The following ADD1 variants were observed in gnomAD, a reference collection of about 807,000 sequenced individuals.
ADD1 encodes the protein adducin 1, also known as alpha-adducin.
Under a neutral mutation model 80.5 loss-of-function variants are expected in ADD1, and 24 were observed. That is an observed-to-expected ratio of 0.30 (90% CI 0.22 to 0.42). The LOEUF is 0.42. ADD1 is among the 10% of genes least tolerant of loss of function. The probability of loss-of-function intolerance (pLI) is 1.00; values close to 1 mark genes in which losing one functional copy is unlikely to be tolerated. For synonymous variants in ADD1, 373 were observed against 393.8 expected (o/e 0.95, Z 0.63); for missense variants, 948 against 1,019.0 (o/e 0.93, Z 0.95).
intron 8 of ADD1, chr4:2,898,894 C>CA (rs1433863893): frequency 7.8e-6 from 3 of 382,514 alleles, no homozygotes; most frequent in African/African-American, 4.1e-5. Context: ...AGTAGAGACT[C>CA]AGAGACTTGC....
chr4:2,893,562 A>G (rs1169026737), intron 4 of ADD1, among the ~76,000 whole-genome samples: 8 of 152,026 alleles, frequency 5.3e-5, no homozygotes, highest in Non-Finnish European at 5.9e-5. Flanking sequence ...GCAGTGAGCC[A>G]TGATCACGCC....
intron 1 of ADD1, among the ~76,000 whole-genome samples, chr4:2,868,372 C>T (rs1398916878): frequency 1.3e-5 from 2 of 152,162 alleles, no homozygotes; most frequent in Admixed American, 1.3e-4. Context: ...TGGTGCTGGC[C>T]AGGGTGTGTG....
chr4:2,907,678 G>T lies in ADD1; in HGVS notation c.1507-65G>T. 3.8e-6 allele frequency: 5 copies of T among 1,324,840 alleles called. No individual in the cohort carries two copies. The South Asian group carries it at 4.7e-5, about 13-fold the overall frequency. The allele number at this position is 1,324,840 out of a possible 1,614,324, so 82.1% of individuals were successfully genotyped here. On this transcript the variant is annotated intron_variant, in intron 10 of 15. Transcript: ENST00000683351. ...GACCAGATGTGAGATAAACTGAATA[G>T]ATTGGATGCTATGTCACTTATTGTT...
chr4:2,855,924 C>G (rs1013126014), intron 1 of ADD1, among the ~76,000 whole-genome samples: 1 of 151,926 alleles, frequency 6.6e-6, no homozygotes, highest in Non-Finnish European at 1.5e-5. Flanking sequence ...TAGTCTCAAA[C>G]TCTGGGACTC....
chr4:2,855,686 G>A (rs1462948952), intron 1 of ADD1, among the ~76,000 whole-genome samples: 2 of 151,216 alleles, frequency 1.3e-5, no homozygotes, highest in South Asian at 2.1e-4. Context: ...CACTCAGACT[G>A]GAGTGCACAA....
At position 2,904,940 on chromosome 4, in the gene ADD1, A is replaced by G; in HGVS notation, c.1338A>G (p.Arg446=). 2 of 1,614,212 alleles carry G rather than the reference A, an allele frequency of 1.2e-6. No homozygotes were observed. The highest frequency in any genetic ancestry group is 1.7e-6 in the Non-Finnish European group (2 of 1,180,042). ...SFQKQQREKT[R]WLNSGRGDEA... Reference sequence around the variant, plus strand: ...AGAAGCAGCAGCGGGAGAAGACAAGATGGCTGAACTCTGGCCGGGGCGACG... The same window carrying G: ...AGAAGCAGCAGCGGGAGAAGACAAGGTGGCTGAACTCTGGCCGGGGCGACG... The change falls in exon 10 of 16, where the codon AGA becomes AGG. Residue 446 remains arginine, a synonymous_variant. Transcript: ENST00000683351.
chr4:2,884,768 G>C (rs1320704026), intron 4 of ADD1, 102 bp downstream of exon 4: 5 of 1,352,210 alleles, frequency 3.7e-6, no homozygotes, highest in East Asian at 2.4e-5. Context: ...CTGAGCTTCA[G>C]TAAGTCTTGG....
At chr4:2,851,577 T>C (rs1310530864) in intron 1 of ADD1, among the ~76,000 whole-genome samples, 1 of 152,252 alleles carries the variant, frequency 6.6e-6, no homozygotes, top group Admixed American at 6.5e-5. Flanking sequence ...GTTTGCAGTT[T>C]AGTAGGAACT....
In ADD1 at chr4:2,898,840, T is replaced by A. The variant is rs545598451; in HGVS notation, c.984+309T>A. On this transcript the variant is annotated intron_variant, in intron 8 of 15. Transcript: ENST00000683351. ...AGTGTGTGTCATCGCATATGTGATG[T>A]CACGTGACCCCCACAGTACTCTTTG... The A allele has an allele frequency of 1.9e-5, 8 of 421,400 alleles. No individual in the cohort carries two copies. The Admixed American group carries it at 3.0e-4, about 16-fold the overall frequency. 26.1% of individuals were successfully genotyped at this position (421,400 alleles called of 1,614,324 possible).
chr4:2,861,686 G>A (rs1028517263), intron 1 of ADD1, among the ~76,000 whole-genome samples: 17 of 152,084 alleles, frequency 1.1e-4, no homozygotes, highest in African/African-American at 3.9e-4. Context: ...TCCATTCCTA[G>A]AGATTCAGAT....
chr4:2,886,294 T>C (rs2108959941), intron 4 of ADD1, among the ~76,000 whole-genome samples: 1 of 152,310 alleles, frequency 6.6e-6, no homozygotes, highest in South Asian at 2.1e-4. Context: ...CTCAGAGGAA[T>C]GCTAAGCCTC....
At chr4:2,872,590 C>CTCTG (rs1458666103) in intron 1 of ADD1, among the ~76,000 whole-genome samples, 1 of 152,228 alleles carries the variant, frequency 6.6e-6, no homozygotes, top group Non-Finnish European at 1.5e-5. Flanking sequence ...CAGGGTCTTG[C>CTCTG]TCTGTCACCC....
At chr4:2,919,650 G>A (rs1330363997) in intron 14 of ADD1, among the ~76,000 whole-genome samples, 1 of 152,124 alleles carries the variant, frequency 6.6e-6, no homozygotes, top group African/African-American at 2.4e-5. Flanking sequence ...TTCTCTGATG[G>A]TAGTTCGTAT....
At chr4:2,907,966 C>T in intron 11 of ADD1, 122 bp downstream of exon 11, 1 of 751,036 alleles carries the variant, frequency 1.3e-6, no homozygotes, top group South Asian at 1.5e-5. Flanking sequence ...GCCACTGTTG[C>T]AGTGAAGCCA....
intron 2 of ADD1, 101 bp from the exon 3 acceptor site, chr4:2,881,797 T>C: frequency 1.0e-6 from 1 of 979,356 alleles, no homozygotes; most frequent in Non-Finnish European, 1.5e-6. Flanking sequence ...TTTCCAGCAC[T>C]GGATGAAAAC....
chr4:2,919,227 G>A (rs1403233383), intron 14 of ADD1, among the ~76,000 whole-genome samples: 3 of 152,224 alleles, frequency 2.0e-5, no homozygotes, highest in South Asian at 2.1e-4. Flanking sequence ...TGCTGGATTC[G>A]GTTTGCCAGT....
intron 14 of ADD1, among the ~76,000 whole-genome samples, chr4:2,917,157 TAA>T (rs1386021482): frequency 6.6e-6 from 1 of 152,222 alleles, no homozygotes; most frequent in African/African-American, 2.4e-5. Flanking sequence ...ACCAACAGTG[TAA>T]AAGTGTTCCT....
intron 2 of ADD1, among the ~76,000 whole-genome samples, chr4:2,880,719 C>T (rs756170020): frequency 1.8e-4 from 28 of 152,118 alleles, no homozygotes; most frequent in African/African-American, 6.5e-4. Flanking sequence ...TCGTGATCCG[C>T]CCGCCTCGGC....
chr4:2,884,568 T>A lies in ADD1; in HGVS notation c.412T>A (p.Tyr138Asn). 1 of 1,613,478 alleles carries A rather than the reference T, an allele frequency of 6.2e-7. No individual in the cohort carries two copies. The highest frequency in any genetic ancestry group is 8.5e-7 in the Non-Finnish European group (1 of 1,179,568). The part of the protein sequence containing the change: ...NDLRGSDSIA[Y>N]DKGEKLLRCK... ...TCTTAGAGGATCTGATTCTATTGCG[T>A]ATGACAAAGGAGAGAAGTTATTACG... is the stretch of plus-strand genomic sequence containing the variant. The change falls in exon 4 of 16, where the codon TAT (tyrosine) becomes AAT (asparagine). Residue 138 changes from tyrosine to asparagine, a missense_variant. Transcript: ENST00000683351.
Sources: gnomAD v4.1 joint callset for allele counts (sites outside exome capture counted in the v4.1 genomes callset) on GRCh38, gnomAD v4.1.1 for gene constraint, MANE v1.5 for transcripts, NCBI Gene and HGNC (gene_info 2026-07-23, HGNC 2026-07-21) for gene names.